Variants in ZNF469 observed in about 807,000 individuals in gnomAD.
ZNF469 encodes the protein zinc finger protein 469.
A neutral mutation model predicts 1.0 loss-of-function variants in ZNF469; 1 was observed. The ratio of observed to expected loss-of-function variants is 1.00; its 90% confidence interval spans 0.35 to 4.73. The LOEUF (loss-of-function observed/expected upper bound fraction) is 4.73, where lower values mean the gene tolerates loss of function less well. Among genes scored for constraint, ZNF469 ranks in the 30% most tolerant of loss-of-function variants. ZNF469 has a pLI of 0.16. For missense variants in ZNF469, 6,100 were observed against 5,356.3 expected (o/e 1.14, Z -4.33); for synonymous variants, 2,703 against 2,363.4 (o/e 1.14, Z -4.17).
chr16:88,298,163 G>C, the ZNF469 span, among the ~76,000 whole-genome samples: 4 of 152,198 alleles, frequency 2.6e-5, no homozygotes, highest in Non-Finnish European at 5.9e-5. Flanking sequence ...CATGGGGTGA[G>C]GTGGGGTCTG....
At chr16:88,273,965 G>A in the ZNF469 span, among the ~76,000 whole-genome samples, 49 of 152,218 alleles carry the variant, frequency 3.2e-4, no homozygotes, top group African/African-American at 1.1e-3. Context: ...CACCATGCTC[G>A]GCTAATTTTT....
chr16:88,369,344 G>T, the ZNF469 span, among the ~76,000 whole-genome samples: 1 of 152,218 alleles, frequency 6.6e-6, no homozygotes, highest in African/African-American at 2.4e-5. Flanking sequence ...CACCTGTTGG[G>T]ACTAAAGCCC....
the ZNF469 span, among the ~76,000 whole-genome samples, chr16:88,171,315 C>T: frequency 1.3e-5 from 2 of 152,168 alleles, no homozygotes; most frequent in East Asian, 1.9e-4. Context: ...GTTGAGAATT[C>T]GAAGTGATCA....
At chr16:88,341,684 C>T in the ZNF469 span, among the ~76,000 whole-genome samples, 8 of 152,172 alleles carry the variant, frequency 5.3e-5, no homozygotes, top group African/African-American at 9.7e-5. Context: ...TTGCCATCTG[C>T]GGGGGCATGG....
chr16:88,405,235 A>C (rs1312128803), intron 1 of ZNF469, among the ~76,000 whole-genome samples: 4 of 152,118 alleles, frequency 2.6e-5, no homozygotes. Flanking sequence ...AGAGCATCTG[A>C]GCCCTGAGCC....
At chr16:88,136,037 G>A in the ZNF469 span, among the ~76,000 whole-genome samples, 3 of 152,070 alleles carry the variant, frequency 2.0e-5, no homozygotes, top group South Asian at 4.2e-4. Context: ...GGGATTACAG[G>A]CGTGAGCCAC....
At position 88,435,449 on chromosome 16, in the gene ZNF469, G is replaced by T; in HGVS notation, c.7979G>T (p.Arg2660Leu). Residue 2660 changes from arginine to leucine, a missense_variant, in exon 3 of 3, where the codon CGC (arginine) becomes CTC (leucine). Physicochemically the swap from Arg to Leu is moderately radical, Grantham distance 102 (BLOSUM62 -2). Transcript: ENST00000565624. ...TCTGCTGATGTGATTTCAGATGGGC[G>T]CGGCTCCAGACCATCCCCTGCAATG... The part of the protein sequence containing the change: ...PVSADVISDG[R>L]GSRPSPAMAS... The T allele has an allele frequency of 6.5e-7, 1 of 1,549,890 alleles. No individual in the cohort carries two copies. Among genetic ancestry groups the T allele is most frequent in the South Asian group, 1.2e-5 (1 of 84,062 alleles).
the ZNF469 span, among the ~76,000 whole-genome samples, chr16:88,333,656 A>G: frequency 6.7e-6 from 1 of 150,266 alleles, no homozygotes; most frequent in African/African-American, 2.4e-5. Context: ...AGGCAGGAGC[A>G]CGGAAGTCTT....
chr16:88,103,094 C>G, the ZNF469 span, among the ~76,000 whole-genome samples: 1 of 152,262 alleles, frequency 6.6e-6, no homozygotes. Context: ...AAGCTGTTCT[C>G]ATGTGTCCAC....
At chr16:88,189,217 G>A in the ZNF469 span, among the ~76,000 whole-genome samples, 19 of 152,266 alleles carry the variant, frequency 1.2e-4, no homozygotes, top group Admixed American at 8.5e-4. This position sits in a 1 kb window ranked among gnomAD's most constrained non-coding sequence, Gnocchi z 4.3. Flanking sequence ...ACTTCTGATC[G>A]TAACAACCCA....
chr16:88,320,249 C>T, the ZNF469 span, among the ~76,000 whole-genome samples: 1 of 152,232 alleles, frequency 6.6e-6, no homozygotes, highest in Non-Finnish European at 1.5e-5. Context: ...ATGTCATCTT[C>T]AGAATGTTCC....
chr16:88,228,538 G>T, the ZNF469 span, among the ~76,000 whole-genome samples: 1 of 152,240 alleles, frequency 6.6e-6, no homozygotes, highest in Non-Finnish European at 1.5e-5. Flanking sequence ...ACGCACCCCT[G>T]GGGAGGAGAA....
the ZNF469 span, among the ~76,000 whole-genome samples, chr16:88,340,946 A>G: frequency 0.22 from 33,093 of 151,886 alleles, 4,532 homozygotes; most frequent in African/African-American, 0.39. Context: ...TTGGGGTAGC[A>G]AGGACCCTGC....
At chr16:88,138,201 C>T in the ZNF469 span, among the ~76,000 whole-genome samples, 1 of 152,184 alleles carries the variant, frequency 6.6e-6, no homozygotes, top group African/African-American at 2.4e-5. Flanking sequence ...CAAACTCAGC[C>T]ATAATTTTGT....
chr16:88,222,583 C>T, the ZNF469 span, among the ~76,000 whole-genome samples: 1 of 152,106 alleles, frequency 6.6e-6, no homozygotes, highest in African/African-American at 2.4e-5. Context: ...CATGGAGAAA[C>T]CCCATCTCTA....
chr16:88,405,090 C>T lies in ZNF469; in HGVS notation c.-191-19717C>T, dbSNP rs56254346. Among the ~76,000 whole-genome samples, 832 of 152,246 alleles carry T rather than the reference C, an allele frequency of 5.5e-3. 8 individuals carry two copies. Among genetic ancestry groups the T allele is most frequent in the Non-Finnish European group, 0.01 (688 of 68,004 alleles). ...CAGGGCAGGGGAGGGTAGCTCCACA[C>T]AGCATGCTTGAGGTGCTGTTGCCAA... On this transcript the variant is annotated intron_variant, in intron 1 of 2. Coordinates refer to ENST00000565624, the MANE Select transcript of ZNF469 (RefSeq NM_001367624.2).
the ZNF469 span, among the ~76,000 whole-genome samples, chr16:88,373,216 C>G: frequency 6.6e-6 from 1 of 152,226 alleles, no homozygotes; most frequent in East Asian, 1.9e-4. Flanking sequence ...CCCAAAGTCA[C>G]CCAACTGGCA....
At position 88,430,014 on chromosome 16, in the gene ZNF469, C is replaced by T. The variant is rs759928652; in HGVS notation, c.2544C>T (p.Leu848=). ...TGGACAGCCTCATCACAGAGGCGCT[C>T]AACGGCATGGAGTACCAGTCGGACA... is the stretch of plus-strand genomic sequence containing the variant. ...AKLDSLITEA[L]NGMEYQSDNP... Residue 848 remains leucine, a synonymous_variant, in exon 3 of 3, where the codon CTC becomes CTT. Transcript: ENST00000565624. 4 of 1,550,378 alleles carry T rather than the reference C, an allele frequency of 2.6e-6. No homozygotes were observed. The South Asian group carries it at 4.8e-5, about 18-fold the overall frequency.
the ZNF469 span, among the ~76,000 whole-genome samples, chr16:88,144,051 C>T: frequency 1.3e-5 from 2 of 152,130 alleles, no homozygotes; most frequent in African/African-American, 2.4e-5. Context: ...AGGCAGAACC[C>T]GCCTGCTGGG....
Sources: gnomAD v4.1 joint callset for allele counts (sites outside exome capture counted in the v4.1 genomes callset) on GRCh38, gnomAD v4.1.1 for gene constraint, Gnocchi (gnomAD v3.1) non-coding constraint, MANE v1.5 for transcripts, NCBI Gene and HGNC (gene_info 2026-07-23, HGNC 2026-07-21) for gene names.